Variants in PROX1 observed in about 807,000 individuals in gnomAD.
PROX1 encodes the protein prospero homeobox 1.
Under a neutral mutation model 58.8 loss-of-function variants are expected in PROX1, and 7 were observed. The ratio of observed to expected loss-of-function variants is 0.12; its 90% confidence interval spans 0.07 to 0.22. PROX1 has a LOEUF of 0.22. PROX1 is among the 10% of genes least tolerant of loss of function. The probability of loss-of-function intolerance (pLI) is 1.00; values close to 1 mark genes in which losing one functional copy is unlikely to be tolerated. For missense variants in PROX1, 675 were observed against 927.8 expected, an observed-to-expected ratio of 0.73 and a Z score of 3.54; for synonymous variants, 350 against 358.3, an observed-to-expected ratio of 0.98 and a Z score of 0.26.
At chr1:214,012,666 G>A (rs1486636797) in intron 4 of PROX1, among the ~76,000 whole-genome samples, 1 of 152,192 alleles carries the variant, frequency 6.6e-6, no homozygotes, top group Non-Finnish European at 1.5e-5. Flanking sequence ...ACTCCCTGAT[G>A]ATGAGATCAG....
intron 2 of PROX1, among the ~76,000 whole-genome samples, chr1:214,001,865 T>TA (rs543132498): frequency 0.039 from 5,770 of 146,112 alleles, 146 homozygotes; most frequent in Non-Finnish European, 0.064. Context: ...GTAAGTAAAT[T>TA]AAAAAAAAAA....
chr1:214,011,853 G>A (rs79803695), intron 4 of PROX1, 138 bp downstream of exon 4: 17,474 of 628,952 alleles, frequency 0.028, 315 homozygotes, highest in Admixed American at 0.044. Context: ...AGGTAGAGCT[G>A]TGATGAGGAG....
intron 1 of PROX1, among the ~76,000 whole-genome samples, chr1:213,991,782 G>A (rs1400782611): frequency 2.0e-5 from 3 of 152,130 alleles, no homozygotes; most frequent in Non-Finnish European, 2.9e-5. Flanking sequence ...TTTCATGAAT[G>A]TCTTATATCA....
intron 3 of PROX1, among the ~76,000 whole-genome samples, chr1:214,011,233 A>G (rs1267463296): frequency 6.6e-6 from 1 of 152,220 alleles, no homozygotes; most frequent in Non-Finnish European, 1.5e-5. Context: ...GATGAAGAAC[A>G]ATGGTTAAAA....
chr1:214,019,521 C>T (rs1286407243), intron 4 of PROX1, among the ~76,000 whole-genome samples: 1 of 152,200 alleles, frequency 6.6e-6, no homozygotes, highest in Non-Finnish European at 1.5e-5. Context: ...GTGCAAACCT[C>T]ACCTTCGGAT....
chr1:213,990,379 G>A (rs1662984741), intron 1 of PROX1, among the ~76,000 whole-genome samples: 1 of 134,740 alleles, frequency 7.4e-6, no homozygotes, highest in East Asian at 2.2e-4. Context: ...GGATTGTCTG[G>A]GCTAATGGGA....
chr1:213,994,750 AATATATATATATATATATAT>A (rs66460564), intron 1 of PROX1, among the ~76,000 whole-genome samples: 3,353 of 88,268 alleles, frequency 0.038, 259 homozygotes, highest in African/African-American at 0.12. Context: ...CAAGCATGCA[AATATATATATATATATATAT>A]ATATATATAT....
chr1:214,003,650 A>C (rs562529115), intron 2 of PROX1, among the ~76,000 whole-genome samples: 3 of 146,248 alleles, frequency 2.1e-5, no homozygotes, highest in African/African-American at 7.4e-5. Context: ...AAATAAAAAA[A>C]TAAAAAACCT....
chr1:213,987,815 T>C (rs1011585803), upstream of PROX1: 7 of 149,606 alleles, frequency 4.7e-5, no homozygotes, highest in African/African-American at 9.8e-5. Flanking sequence ...TATTTTTTTT[T>C]CCTCCCAAGT....
chr1:214,031,556 G>C (rs1664659151), intron 4 of PROX1, among the ~76,000 whole-genome samples: 1 of 152,070 alleles, frequency 6.6e-6, no homozygotes, highest in African/African-American at 2.4e-5. Context: ...ACCACCTGAT[G>C]CTGAGGAGAT....
rs1250251395 is a variant in PROX1 at position 213,988,410 on chromosome 1, AAGAGAGAGAGAGAGATAG to A, written c.-125_-108del. ...TTCCTCTCTCTGCCGGGGGAAAAAAAAGAGAGAGAGAGAGATAGAGAGAGAGAGAGAGAGAGAGAGAGA... is the reference window on the plus strand; with the variant it reads ...TTCCTCTCTCTGCCGGGGGAAAAAAAAGAGAGAGAGAGAGAGAGAGAGAGA... On this transcript the variant is annotated 5_prime_UTR_variant, in exon 1 of 5. Coordinates refer to ENST00000366958, the MANE Select transcript of PROX1 (RefSeq NM_001270616.2). The A allele has an allele frequency of 3.7e-5, 4 of 106,696 alleles. No individual in the cohort carries two copies. The highest frequency in any genetic ancestry group is 9.9e-5 in the Admixed American group (1 of 10,056). The allele number at this position is 106,696 out of a possible 1,614,324, so 6.6% of individuals were successfully genotyped here.
In PROX1 at chr1:213,996,796, T is replaced by C. The variant is rs750439308; in HGVS notation, c.261T>C (p.Phe87=). ...ANSYEDAMMP[F]PGATIISQLL... ...CGTATGAAGATGCCATGATGCCTTT[T>C]CCAGGAGCAACCATAATTTCCCAGC... Residue 87 remains phenylalanine, a synonymous_variant, in exon 2 of 5, where the codon TTT becomes TTC. Transcript: ENST00000366958. The C allele has an allele frequency of 1.2e-6, 2 of 1,614,124 alleles. No individual in the cohort carries two copies. The highest frequency in any genetic ancestry group is 1.3e-5 in the African/African-American group (1 of 75,006).
chr1:214,011,025 GA>G (rs1280241141), intron 3 of PROX1, among the ~76,000 whole-genome samples: 1 of 152,112 alleles, frequency 6.6e-6, no homozygotes, highest in African/African-American at 2.4e-5. Flanking sequence ...CATTTTGTGG[GA>G]AGGCCATTTG....
intron 3 of PROX1, among the ~76,000 whole-genome samples, chr1:214,006,586 G>T (rs139803856): frequency 9.3e-4 from 141 of 152,260 alleles, no homozygotes; most frequent in African/African-American, 3.2e-3. Flanking sequence ...CAGGAAAAGG[G>T]TTTGGGCTTT....
chr1:214,030,360 T>C (rs930724860), intron 4 of PROX1: 1 of 152,070 alleles, frequency 6.6e-6, no homozygotes, highest in Non-Finnish European at 1.5e-5. Flanking sequence ...AGATCAGCTA[T>C]AAAGATGATT....
chr1:213,989,342 G>T (rs1195724785), intron 1 of PROX1, among the ~76,000 whole-genome samples: 1 of 152,052 alleles, frequency 6.6e-6, no homozygotes, highest in East Asian at 1.9e-4. Context: ...GGGGGGTCGC[G>T]TGGCGGTGGG....
At chr1:214,023,353 TTTTA>T (rs1213124323) in intron 4 of PROX1, among the ~76,000 whole-genome samples, 1 of 152,014 alleles carries the variant, frequency 6.6e-6, no homozygotes, top group Admixed American at 6.6e-5. Flanking sequence ...TTTTTTATTC[TTTTA>T]TTTTTTTATT....
In PROX1 at chr1:214,040,742, G is replaced by A. The variant is rs991992068; in HGVS notation, c.*4908G>A. The A allele has an allele frequency of 1.3e-5, 2 of 152,006 alleles. No homozygotes were observed. The highest frequency in any genetic ancestry group is 2.4e-5 in the African/African-American group (1 of 41,394). The allele number at this position is 152,006 out of a possible 1,614,324, so 9.4% of individuals were successfully genotyped here. On this transcript the variant is annotated 3_prime_UTR_variant, in exon 5 of 5. Transcript: ENST00000366958. ...ATAGTACAATAACTGAACTGATAAA[G>A]TCAATTTTTGATTTTTGTTTGTTTT...
rs951328688 is a variant in PROX1 at position 213,988,456 on chromosome 1, G to A, written c.-95G>A. ...AGAGAGAGAGAGAGAGAGAGAGAGA[G>A]GCTCGGTCCCACTGCTCCCTGCACC... On this transcript the variant is annotated 5_prime_UTR_variant, in exon 1 of 5. Transcript: ENST00000366958. 1 of 151,736 alleles carries A rather than the reference G, an allele frequency of 6.6e-6. No individual in the cohort carries two copies. Among genetic ancestry groups the A allele is most frequent in the Non-Finnish European group, 1.5e-5 (1 of 68,028 alleles). The allele number at this position is 151,736 out of a possible 1,614,324, so 9.4% of individuals were successfully genotyped here. A position where few individuals can be genotyped will look rare whatever the true frequency, so the allele number is the denominator to read the frequency against.
Sources: gnomAD v4.1 joint callset for allele counts (sites outside exome capture counted in the v4.1 genomes callset) on GRCh38, gnomAD v4.1.1 for gene constraint, MANE v1.5 for transcripts, NCBI Gene and HGNC (gene_info 2026-07-23, HGNC 2026-07-21) for gene names.